The following MAPK10 variants were observed in gnomAD, a reference collection of about 807,000 sequenced individuals.
MAPK10 encodes mitogen-activated protein kinase 10, also known as JNK3 alpha protein kinase.
Under a neutral mutation model 59.3 loss-of-function variants are expected in MAPK10, and 25 were observed. The observed-to-expected ratio is 0.42, with a 90% CI of 0.31 to 0.59. The LOEUF (loss-of-function observed/expected upper bound fraction) is 0.59, where lower values mean the gene tolerates loss of function less well. Among genes scored for constraint, MAPK10 ranks in the 20% least tolerant of loss-of-function variants. The pLI, the probability that MAPK10 is intolerant of heterozygous loss-of-function variation, is 0.15. For missense variants in MAPK10, 351 were observed against 568.9 expected (o/e 0.62, Z 3.90); for synonymous variants, 190 against 200.5 (o/e 0.95, Z 0.44).
At chr4:86,333,896 C>CTAT (rs1013293762) in intron 2 of MAPK10, among the ~76,000 whole-genome samples, 5 of 151,998 alleles carry the variant, frequency 3.3e-5, no homozygotes, top group African/African-American at 1.2e-4. Flanking sequence ...ACTTTTACCA[C>CTAT]TATTATTATT....
At chr4:86,422,862 T>G (rs766216383) in intron 1 of MAPK10, among the ~76,000 whole-genome samples, 1 of 152,150 alleles carries the variant, frequency 6.6e-6, no homozygotes, top group African/African-American at 2.4e-5. Flanking sequence ...AGGAATTATA[T>G]TAGGAAGCAA....
chr4:86,128,191 T>C (rs2060385007), intron 4 of MAPK10, among the ~76,000 whole-genome samples: 1 of 152,144 alleles, frequency 6.6e-6, no homozygotes, highest in South Asian at 2.1e-4. Flanking sequence ...TAAGCACTTT[T>C]GCTCCCAACT....
At chr4:86,240,360 AGGTCCACTT>A (rs1313839608) in intron 2 of MAPK10, among the ~76,000 whole-genome samples, 1 of 152,232 alleles carries the variant, frequency 6.6e-6, no homozygotes, top group Non-Finnish European at 1.5e-5. Context: ...GATATCTACT[AGGTCCACTT>A]GGTCTAGAGC....
At chr4:86,243,106 C>G (rs955085504) in intron 2 of MAPK10, among the ~76,000 whole-genome samples, 2 of 152,180 alleles carry the variant, frequency 1.3e-5, no homozygotes, top group African/African-American at 4.8e-5. Context: ...CCATGGCTCA[C>G]GCCAGATTTC....
At chr4:86,542,890 C>G (rs1758837080) in intron 1 of MAPK10, among the ~76,000 whole-genome samples, 1 of 152,122 alleles carries the variant, frequency 6.6e-6, no homozygotes, top group African/African-American at 2.4e-5. Flanking sequence ...TGCCTGTCAC[C>G]AGCATGAAAG....
intron 11 of MAPK10, among the ~76,000 whole-genome samples, chr4:86,038,298 T>A (rs1353000790): frequency 6.6e-6 from 1 of 152,326 alleles, no homozygotes; most frequent in East Asian, 1.9e-4. Context: ...TAGCACTGTA[T>A]CTCAGTGTGT....
At chr4:86,022,480 T>A (rs1475228967) in intron 13 of MAPK10, among the ~76,000 whole-genome samples, 1 of 152,116 alleles carries the variant, frequency 6.6e-6, no homozygotes, top group Non-Finnish European at 1.5e-5. Context: ...TCTTTAGCTC[T>A]TTCTTCCTTT....
intron 3 of MAPK10, among the ~76,000 whole-genome samples, chr4:86,170,248 T>G (rs1378235962): frequency 6.6e-6 from 1 of 152,100 alleles, no homozygotes. Context: ...ATGGTCCAAT[T>G]AAAAGACACA....
At chr4:86,227,331 C>T (rs1450240635) in intron 2 of MAPK10, among the ~76,000 whole-genome samples, 2 of 151,686 alleles carry the variant, frequency 1.3e-5, no homozygotes, top group Non-Finnish European at 2.9e-5. Context: ...ACTAAAAATA[C>T]AAAAAACTAG....
At chr4:86,301,551 T>C (rs2095473463) in intron 2 of MAPK10, among the ~76,000 whole-genome samples, 2 of 152,128 alleles carry the variant, frequency 1.3e-5, no homozygotes, top group South Asian at 4.1e-4. Context: ...TCCTCTTTAA[T>C]GAAGGGAAGA....
chr4:86,217,585 C>G (rs12650052), intron 2 of MAPK10, among the ~76,000 whole-genome samples: 2 of 152,140 alleles, frequency 1.3e-5, no homozygotes, highest in Non-Finnish European at 2.9e-5. Context: ...AGCCATCATC[C>G]GACACACAGA....
chr4:86,191,354 C>T (rs1167950527), intron 3 of MAPK10, among the ~76,000 whole-genome samples: 1 of 152,050 alleles, frequency 6.6e-6, no homozygotes, highest in Non-Finnish European at 1.5e-5. Context: ...GTGTTAAATT[C>T]TCCCACTATT....
intron 1 of MAPK10, among the ~76,000 whole-genome samples, chr4:86,394,267 T>C (rs923896865): frequency 8.6e-5 from 13 of 150,616 alleles, no homozygotes; most frequent in Admixed American, 7.9e-4. Flanking sequence ...AGACTCCATT[T>C]CAAAAAAAAA....
At chr4:86,479,025 C>T (rs1156507209) in intron 1 of MAPK10, among the ~76,000 whole-genome samples, 1 of 152,184 alleles carries the variant, frequency 6.6e-6, no homozygotes, top group African/African-American at 2.4e-5. Flanking sequence ...ATTAGCTTTA[C>T]TCAACATGCC....
chr4:86,474,961 C>G (rs915154053), intron 1 of MAPK10, among the ~76,000 whole-genome samples: 15 of 152,128 alleles, frequency 9.9e-5, no homozygotes, highest in Non-Finnish European at 2.1e-4. Context: ...GATGACATTA[C>G]CTTGTGAAAT....
intron 1 of MAPK10, among the ~76,000 whole-genome samples, chr4:86,442,932 A>G (rs1749583574): frequency 6.6e-6 from 1 of 152,210 alleles, no homozygotes; most frequent in African/African-American, 2.4e-5. Context: ...ACAACAAGGC[A>G]AAGCTAAACA....
At chr4:86,297,563 G>A (rs868771618) in intron 2 of MAPK10, among the ~76,000 whole-genome samples, 18 of 152,018 alleles carry the variant, frequency 1.2e-4, no homozygotes, top group African/African-American at 3.4e-4. Context: ...CACCCACCTC[G>A]GCCTCCCAAA....
intron 9 of MAPK10, chr4:86,090,550 G>A (rs1432458304): frequency 6.6e-6 from 1 of 152,122 alleles, no homozygotes; most frequent in Non-Finnish European, 1.5e-5. Flanking sequence ...GGGAAAGATA[G>A]AGCAAACAGT....
chr4:86,217,560 A>G (rs2088075949), intron 2 of MAPK10, among the ~76,000 whole-genome samples: 1 of 152,202 alleles, frequency 6.6e-6, no homozygotes. Context: ...AAGAAACCCT[A>G]TATACCATCA....
Sources: gnomAD v4.1 joint callset for allele counts (sites outside exome capture counted in the v4.1 genomes callset) on GRCh38, gnomAD v4.1.1 for gene constraint, MANE v1.5 for transcripts, NCBI Gene and HGNC (gene_info 2026-07-23, HGNC 2026-07-21) for gene names.